LRRIQ1: variants seen among roughly 807,000 people sequenced by gnomAD.
LRRIQ1 encodes leucine-rich repeat- and IQ domain-containing protein 1.
Under a neutral mutation model 211.9 loss-of-function variants are expected in LRRIQ1, and 210 were observed. The ratio of observed to expected loss-of-function variants is 0.99; its 90% CI spans 0.89 to 1.11. The LOEUF (loss-of-function observed/expected upper bound fraction) is 1.11, where lower values mean the gene tolerates loss of function less well. Among genes scored for constraint, LRRIQ1 ranks in the 50% most tolerant of loss-of-function variants. The pLI is 0.00. For synonymous variants in LRRIQ1, 699 were observed against 650.1 expected, an observed-to-expected ratio of 1.08 and a Z score of -1.14; for missense variants, 2,136 against 1,939.5, an observed-to-expected ratio of 1.10 and a Z score of -1.90.
chr12:85,059,747 G>A (rs1300753267), intron 8 of LRRIQ1, among the ~76,000 whole-genome samples: 1 of 151,814 alleles, frequency 6.6e-6, no homozygotes, highest in Non-Finnish European at 1.5e-5. Flanking sequence ...GTAGAGGACG[G>A]GTTGATGGGT....
At chr12:85,215,807 G>A (rs1268713898) in intron 24 of LRRIQ1, among the ~76,000 whole-genome samples, 1 of 151,986 alleles carries the variant, frequency 6.6e-6, no homozygotes, top group African/African-American at 2.4e-5. Context: ...AAAAAGAACC[G>A]TATCTATACA....
intron 24 of LRRIQ1, among the ~76,000 whole-genome samples, chr12:85,212,488 TTAAC>T (rs1393643284): frequency 1.3e-5 from 2 of 151,582 alleles, no homozygotes; most frequent in African/African-American, 2.4e-5. Flanking sequence ...TATAGAAAAA[TTAAC>T]TAAGAGGAGA....
chr12:85,134,742 T>C (rs575711839), intron 18 of LRRIQ1, among the ~76,000 whole-genome samples: 1 of 152,060 alleles, frequency 6.6e-6, no homozygotes, highest in Non-Finnish European at 1.5e-5. Context: ...AAGTGCACTA[T>C]CTGTGACTTT....
chr12:85,085,705 C>T (rs1200771086), intron 11 of LRRIQ1, among the ~76,000 whole-genome samples: 3 of 152,144 alleles, frequency 2.0e-5, no homozygotes, highest in Non-Finnish European at 4.4e-5. Flanking sequence ...TTTTCTGTTT[C>T]TTTGTTAATT....
At chr12:85,172,051 G>T (rs974249703) in intron 24 of LRRIQ1, among the ~76,000 whole-genome samples, 9 of 152,128 alleles carry the variant, frequency 5.9e-5, no homozygotes, top group South Asian at 2.1e-4. Flanking sequence ...ACATCAAAAA[G>T]AAAGCAAAGC....
chr12:85,244,671 C>A, intron 26 of LRRIQ1, 118 bp from the exon 27 acceptor site: 1 of 869,988 alleles, frequency 1.1e-6, no homozygotes. Context: ...ATTGTGGTAT[C>A]ATTTTGAAGA....
At chr12:85,096,615 G>A (rs147852866) in intron 11 of LRRIQ1, among the ~76,000 whole-genome samples, 226 of 151,838 alleles carry the variant, frequency 1.5e-3, no homozygotes, top group Non-Finnish European at 2.6e-3. Flanking sequence ...GTGTGTAGAT[G>A]AGAAGAATGT....
At chr12:85,079,307 C>T (rs550992570) in intron 11 of LRRIQ1, among the ~76,000 whole-genome samples, 6 of 146,172 alleles carry the variant, frequency 4.1e-5, no homozygotes, top group East Asian at 4.0e-4. Flanking sequence ...CTGCAAGCTC[C>T]GCCTCCCGGG....
intron 26 of LRRIQ1, among the ~76,000 whole-genome samples, chr12:85,240,655 A>C (rs1285166971): frequency 6.6e-6 from 1 of 152,186 alleles, no homozygotes; most frequent in African/African-American, 2.4e-5. Context: ...TACAGTGGAT[A>C]TACAACACAC....
At chr12:85,104,987 C>A (rs1886665879) in intron 14 of LRRIQ1, among the ~76,000 whole-genome samples, 1 of 151,982 alleles carries the variant, frequency 6.6e-6, no homozygotes, top group Non-Finnish European at 1.5e-5. Context: ...TTGCATTGAC[C>A]TGATGAATAA....
chr12:85,266,402 A>G (rs756204395), downstream of LRRIQ1, among the ~76,000 whole-genome samples: 4 of 152,192 alleles, frequency 2.6e-5, no homozygotes, highest in Non-Finnish European at 4.4e-5. Flanking sequence ...AAAAACAAGT[A>G]TAATGCATTT....
chr12:85,237,333 G>T (rs531023437), intron 26 of LRRIQ1, among the ~76,000 whole-genome samples: 1 of 152,190 alleles, frequency 6.6e-6, no homozygotes, highest in East Asian at 1.9e-4. Flanking sequence ...GCAGAGGGAA[G>T]GGAAGCCTAA....
At chr12:85,078,405 T>C (rs1406967197) in intron 11 of LRRIQ1, among the ~76,000 whole-genome samples, 2 of 152,180 alleles carry the variant, frequency 1.3e-5, no homozygotes, top group African/African-American at 4.8e-5. Flanking sequence ...TTCAAATAGC[T>C]AGTTTGGGAG....
At chr12:85,261,006 G>A (rs1323699833) in intron 1 of LRRIQ1, among the ~76,000 whole-genome samples, 4 of 152,158 alleles carry the variant, frequency 2.6e-5, no homozygotes, top group Admixed American at 6.6e-5. Flanking sequence ...GTAGCTCAGC[G>A]TAGAATGAAT....
chr12:85,048,842 T>G (rs540377065), intron 6 of LRRIQ1, among the ~76,000 whole-genome samples: 1 of 152,282 alleles, frequency 6.6e-6, no homozygotes. Flanking sequence ...TAGTAGTATT[T>G]TCAGATTTAA....
intron 25 of LRRIQ1, 73 bp from the exon 26 acceptor site, chr12:85,232,623 A>T: frequency 8.4e-7 from 1 of 1,195,366 alleles, no homozygotes; most frequent in Non-Finnish European, 1.2e-6. Context: ...CAAGCTTTTT[A>T]GTTGGACGTT....
chr12:85,218,562 A>G (rs1894260500), intron 24 of LRRIQ1, among the ~76,000 whole-genome samples: 1 of 152,070 alleles, frequency 6.6e-6, no homozygotes, highest in South Asian at 2.1e-4. Flanking sequence ...GAAAAAGCCA[A>G]CTTACTATGT....
intron 18 of LRRIQ1, among the ~76,000 whole-genome samples, chr12:85,131,670 A>T (rs1176401502): frequency 1.3e-5 from 2 of 152,124 alleles, no homozygotes; most frequent in Non-Finnish European, 2.9e-5. Flanking sequence ...TCTTAAGAGA[A>T]TGTAGGGGTA....
chr12:85,271,278 A>G, the LRRIQ1 span, among the ~76,000 whole-genome samples: 1 of 152,150 alleles, frequency 6.6e-6, no homozygotes, highest in Admixed American at 6.5e-5. Context: ...ACTGAATGTG[A>G]AATTTTGAGA....
Sources: gnomAD v4.1 joint callset for allele counts (sites outside exome capture counted in the v4.1 genomes callset) on GRCh38, gnomAD v4.1.1 for gene constraint, MANE v1.5 for transcripts, NCBI Gene and HGNC (gene_info 2026-07-23, HGNC 2026-07-21) for gene names.